The following MACROD1 variants were observed in gnomAD, a reference collection of about 807,000 sequenced individuals.
The protein encoded by MACROD1 is ADP-ribose glycohydrolase MACROD1.
Under a neutral mutation model 41.4 loss-of-function variants are expected in MACROD1, and 31 were observed. That is an observed-to-expected ratio of 0.75 (90% confidence interval 0.56 to 1.01). The LOEUF is 1.01. Among genes scored for constraint, MACROD1 ranks in the 50% least tolerant of loss-of-function variants. The pLI is 0.00. For missense variants in MACROD1, 473 were observed against 460.0 expected (o/e 1.03, Z -0.26); for synonymous variants, 252 against 203.4 (o/e 1.24, Z -2.03).
At chr11:64,124,362 T>TATCC (rs910043070) in intron 3 of MACROD1, among the ~76,000 whole-genome samples, 2 of 152,198 alleles carry the variant, frequency 1.3e-5, no homozygotes, top group African/African-American at 4.8e-5. Flanking sequence ...CCACTGTATC[T>TATCC]ATCCATCCAT....
chr11:64,015,548 TG>T (rs1019832366), intron 3 of MACROD1, among the ~76,000 whole-genome samples: 2 of 152,022 alleles, frequency 1.3e-5, no homozygotes, highest in East Asian at 1.9e-4. Context: ...CGCAGACGCA[TG>T]GGGGGGTCCA....
intron 4 of MACROD1, among the ~76,000 whole-genome samples, chr11:64,006,178 G>A (rs1029444284): frequency 2.0e-5 from 3 of 152,216 alleles, no homozygotes; most frequent in Non-Finnish European, 4.4e-5. Flanking sequence ...CACAAAGACC[G>A]GATAAGTGAC....
intron 3 of MACROD1, among the ~76,000 whole-genome samples, chr11:64,074,618 T>C (rs1944169000): frequency 6.6e-6 from 1 of 152,174 alleles, no homozygotes; most frequent in Non-Finnish European, 1.5e-5. Flanking sequence ...ATTGCTGAAC[T>C]GGGCTTTCCC....
chr11:64,147,042 T>C (rs979086645), intron 3 of MACROD1, among the ~76,000 whole-genome samples: 6 of 152,116 alleles, frequency 3.9e-5, no homozygotes, highest in Non-Finnish European at 8.8e-5. Context: ...AGGAGATCAG[T>C]AGGGAAACAG....
At chr11:64,083,878 G>T (rs1003964093) in intron 3 of MACROD1, among the ~76,000 whole-genome samples, 1 of 152,236 alleles carries the variant, frequency 6.6e-6, no homozygotes, top group Non-Finnish European at 1.5e-5. Context: ...GGTGCTGGGC[G>T]AGTGTGAGCA....
intron 3 of MACROD1, among the ~76,000 whole-genome samples, chr11:64,076,208 T>C (rs1201151971): frequency 6.6e-6 from 1 of 152,102 alleles, no homozygotes; most frequent in Non-Finnish European, 1.5e-5. Flanking sequence ...TGCCCCTCCA[T>C]CTCACCATGC....
intron 3 of MACROD1, among the ~76,000 whole-genome samples, chr11:64,147,223 C>A (rs754361300): frequency 6.6e-6 from 1 of 151,162 alleles, no homozygotes; most frequent in Non-Finnish European, 1.5e-5. Flanking sequence ...CACCACCACA[C>A]CCTACTAATC....
chr11:64,075,932 C>T (rs1019524522), intron 3 of MACROD1, among the ~76,000 whole-genome samples: 1 of 152,242 alleles, frequency 6.6e-6, no homozygotes, highest in Non-Finnish European at 1.5e-5. Context: ...CCTCGGCTTC[C>T]CAAAGTGTTG....
At chr11:64,052,562 A>G (rs1025861207) in intron 3 of MACROD1, among the ~76,000 whole-genome samples, 2 of 151,786 alleles carry the variant, frequency 1.3e-5, no homozygotes, top group Non-Finnish European at 2.9e-5. Flanking sequence ...CTGAGCTTCC[A>G]CTCCTCACCC....
intron 3 of MACROD1, chr11:64,103,759 C>A (rs566500041): frequency 6.6e-6 from 1 of 152,292 alleles, no homozygotes; most frequent in African/African-American, 2.4e-5. Flanking sequence ...GCATGCCCGA[C>A]GAACAGGGAG....
intron 3 of MACROD1, among the ~76,000 whole-genome samples, chr11:64,063,753 C>T (rs1943946859): frequency 1.3e-5 from 2 of 152,178 alleles, no homozygotes; most frequent in African/African-American, 2.4e-5. Context: ...ACGCGGTCCT[C>T]GCCCGGCTGT....
chr11:64,083,767 G>T (rs1157347985), intron 3 of MACROD1, among the ~76,000 whole-genome samples: 3 of 152,174 alleles, frequency 2.0e-5, no homozygotes, highest in Admixed American at 6.5e-5. Context: ...CTCCTGAAGG[G>T]CCCCAGCCCC....
intron 1 of MACROD1, among the ~76,000 whole-genome samples, chr11:64,157,399 C>T (rs1945686102): frequency 6.6e-6 from 1 of 152,090 alleles, no homozygotes; most frequent in African/African-American, 2.4e-5. Context: ...CGGCCTTGCC[C>T]CATGAATTTC....
At chr11:64,060,033 G>A (rs1590852664) in intron 3 of MACROD1, among the ~76,000 whole-genome samples, 1 of 152,214 alleles carries the variant, frequency 6.6e-6, no homozygotes, top group African/African-American at 2.4e-5. Flanking sequence ...CACACGGCAG[G>A]GGGGAATGGC....
chr11:64,127,759 G>A (rs571655654), intron 3 of MACROD1, among the ~76,000 whole-genome samples: 5 of 152,240 alleles, frequency 3.3e-5, no homozygotes, highest in East Asian at 1.9e-4. Context: ...AAGTGGCTCC[G>A]GGGTAAAAGT....
In MACROD1 at chr11:64,082,556, G is replaced by A. The variant is rs114942309; in HGVS notation, c.518-67275C>T. Reference sequence around the variant, plus strand: ...GTGGCCGTGGGAGTCAGAGCTCCAGGCGGAAGTAGGGTTCAGATTCAGGTG... The same window carrying A: ...GTGGCCGTGGGAGTCAGAGCTCCAGACGGAAGTAGGGTTCAGATTCAGGTG... On this transcript the variant is annotated intron_variant, in intron 3 of 10. Coordinates refer to ENST00000255681, the MANE Select transcript of MACROD1 (RefSeq NM_014067.4). The surrounding 1 kb of genome is among the most constrained non-coding windows in gnomAD (Gnocchi z 4.5). 1.1e-3 allele frequency among the ~76,000 whole-genome samples: 169 copies of A among 152,242 alleles called. 1 individual carries two copies. The highest frequency in any genetic ancestry group is 4.0e-3 in the African/African-American group (165 of 41,542).
At chr11:64,147,713 C>T (rs369525425) in intron 3 of MACROD1, among the ~76,000 whole-genome samples, 17 of 149,624 alleles carry the variant, frequency 1.1e-4, no homozygotes, top group East Asian at 3.9e-4. Flanking sequence ...TGTGAGCCAT[C>T]GTACCTGGCC....
intron 4 of MACROD1, among the ~76,000 whole-genome samples, chr11:64,007,445 G>A (rs1942931816): frequency 6.6e-6 from 1 of 152,232 alleles, no homozygotes; most frequent in South Asian, 2.1e-4. Context: ...AGGAGATGGG[G>A]AGGAGAGTCC....
chr11:64,125,957 C>G (rs572910322), intron 3 of MACROD1, among the ~76,000 whole-genome samples: 8 of 152,362 alleles, frequency 5.3e-5, no homozygotes, highest in Non-Finnish European at 7.4e-5. Flanking sequence ...CAATCAAAGC[C>G]ATGGCGGATG....
Sources: allele counts gnomAD v4.1 joint callset (sites outside exome capture counted in the v4.1 genomes callset), GRCh38; gene constraint gnomAD v4.1.1; non-coding constraint Gnocchi (gnomAD v3.1); transcripts MANE v1.5; gene names NCBI Gene and HGNC (gene_info 2026-07-23, HGNC 2026-07-21).